Variants in ADGB observed in about 807,000 individuals in gnomAD.
ADGB encodes the protein androglobin, also known as calpain-7-like protein.
Under a neutral mutation model 210.5 loss-of-function variants are expected in ADGB, and 172 were observed. The observed-to-expected ratio is 0.82, with a 90% CI of 0.72 to 0.93. ADGB has a LOEUF of 0.93. Ranked by LOEUF, ADGB falls within the 40% of genes least tolerant of loss-of-function variation. The pLI, the probability that ADGB is intolerant of heterozygous loss-of-function variation, is 0.00. For missense variants in ADGB, 2,025 were observed against 1,964.8 expected, an observed-to-expected ratio of 1.03 and a Z score of -0.58; for synonymous variants, 658 against 662.7, an observed-to-expected ratio of 0.99 and a Z score of 0.11.
intron 1 of ADGB, among the ~76,000 whole-genome samples, chr6:146,615,547 CTG>C (rs1267304231): frequency 6.6e-6 from 1 of 152,186 alleles, no homozygotes; most frequent in African/African-American, 2.4e-5. Context: ...TTCTATCTAA[CTG>C]TGTTTTTGTA....
intron 35 of ADGB, chr6:146,807,816 A>C (rs1296549905): frequency 3.0e-6 from 1 of 329,242 alleles, no homozygotes. Context: ...TTAAAATGTA[A>C]TAAAATATAT....
intron 1 of ADGB, among the ~76,000 whole-genome samples, chr6:146,612,961 C>T (rs547343658): frequency 2.6e-5 from 4 of 152,298 alleles, no homozygotes; most frequent in African/African-American, 9.6e-5. Context: ...TACTTCCATC[C>T]ATATCTATGA....
rs1776349362 is a variant in ADGB at position 146,692,824 on chromosome 6, G to A, written c.1487-1G>A. ...CATACTTTCTAACTGCTACTTTTTA[G>A]AGTTAATAGTAAAGAAGCCTGAACG... On this transcript the variant is annotated splice_acceptor_variant, in intron 11 of 35. Transcript: ENST00000397944. LOFTEE classifies it high-confidence loss of function. The A allele has an allele frequency of 1.5e-5, 23 of 1,491,398 alleles. No individual in the cohort carries two copies. The highest frequency in any genetic ancestry group is 2.1e-5 in the Non-Finnish European group (23 of 1,107,220). The allele number at this position is 1,491,398 out of a possible 1,614,324, so 92.4% of individuals were successfully genotyped here.
chr6:146,765,704 A>T (rs1777563048), intron 28 of ADGB, among the ~76,000 whole-genome samples: 1 of 151,710 alleles, frequency 6.6e-6, no homozygotes, highest in South Asian at 2.1e-4. Flanking sequence ...AACAACATCT[A>T]AAATAGCATT....
intron 1 of ADGB, among the ~76,000 whole-genome samples, chr6:146,605,547 G>T (rs866180751): frequency 6.6e-6 from 1 of 152,014 alleles, no homozygotes. Context: ...TTTCATAAAT[G>T]CATGTGTAAT....
In ADGB at chr6:146,812,908, C is replaced by CA. The variant is rs569166632; in HGVS notation, c.4819-2123dup. ...TGCTTTGACACAAGGTTGTGAAGAA[C>CA]AGCTATTCATTTGGGAAAAGAATGG... On this transcript the variant is annotated intron_variant, in intron 35 of 35. Coordinates refer to ENST00000397944, the MANE Select transcript of ADGB (RefSeq NM_024694.4). Among the ~76,000 whole-genome samples, 331 of 152,170 alleles carry CA rather than the reference C, an allele frequency of 2.2e-3. 1 individual carries two copies. The highest frequency in any genetic ancestry group is 7.4e-3 in the African/African-American group (308 of 41,552).
In ADGB at chr6:146,620,360, T is replaced by C. The variant is rs557810642; in HGVS notation, c.75-15015T>C. On this transcript the variant is annotated intron_variant, in intron 1 of 35. Transcript: ENST00000397944. ...TTTTCAGCCATTATTTCTTTAGATA[T>C]GCTTTCTAGGCATTTTTCTTTCTTG... Among the ~76,000 whole-genome samples the C allele has an allele frequency of 5.8e-4, 89 of 152,284 alleles. 2 individuals are homozygous for C. The South Asian group carries it at 0.015, about 25-fold the overall frequency.
intron 5 of ADGB, among the ~76,000 whole-genome samples, chr6:146,659,826 A>G (rs572606307): frequency 6.6e-6 from 1 of 152,256 alleles, no homozygotes; most frequent in South Asian, 2.1e-4. Context: ...CCCCCGAAAG[A>G]AGCAGGTTAG....
chr6:146,615,421 T>G (rs1562255607), intron 1 of ADGB, among the ~76,000 whole-genome samples: 1 of 152,196 alleles, frequency 6.6e-6, no homozygotes, highest in Non-Finnish European at 1.5e-5. Context: ...AAACATTTAT[T>G]GTATCTTTGT....
chr6:146,716,599 C>CAAAAA (rs10606792), intron 14 of ADGB, among the ~76,000 whole-genome samples: 2 of 66,812 alleles, frequency 3.0e-5, no homozygotes, highest in Non-Finnish European at 2.3e-5. Context: ...GACTCCGTCT[C>CAAAAA]AAAAAAAAAA....
At chr6:146,670,493 T>C (rs1044966341) in intron 7 of ADGB, among the ~76,000 whole-genome samples, 1 of 152,194 alleles carries the variant, frequency 6.6e-6, no homozygotes, top group Non-Finnish European at 1.5e-5. Context: ...ATCAGATTAT[T>C]CACCTAGCTG....
At position 146,677,865 on chromosome 6, in the gene ADGB, C is replaced by A. The variant is rs1020200493; in HGVS notation, c.1216+1424C>A. Among the ~76,000 whole-genome samples the A allele has an allele frequency of 5.9e-5, 9 of 152,256 alleles. No homozygotes were observed. The East Asian group carries it at 1.4e-3, about 23-fold the overall frequency. ...CAGCATTATTGTTTTGGTGAGGGTC[C>A]TTGTGAGAATCAAGTGTTGAATCCA... On this transcript the variant is annotated intron_variant, in intron 9 of 35. Coordinates refer to ENST00000397944, the MANE Select transcript of ADGB (RefSeq NM_024694.4).
chr6:146,668,624 A>T (rs923573248), intron 7 of ADGB, among the ~76,000 whole-genome samples: 1 of 152,084 alleles, frequency 6.6e-6, no homozygotes, highest in Non-Finnish European at 1.5e-5. Context: ...ATAAATTTTT[A>T]TACTTAGTGT....
In ADGB at chr6:146,713,882, C is replaced by G. The variant is rs1207994100; in HGVS notation, c.1708-1500C>G. ...TTCTTCTAGGAGTTTTGTAGTTTGT[C>G]TCTGTCTGTATCCGCTTCAGTGCCT... On this transcript the variant is annotated intron_variant, in intron 13 of 35. Transcript: ENST00000397944. Among the ~76,000 whole-genome samples the G allele has an allele frequency of 3.9e-5, 6 of 152,020 alleles. No individual in the cohort carries two copies. In the East Asian group the frequency reaches 1.2e-3, roughly 29 times the overall value.
At chr6:146,739,380 T>C (rs1262402623) in intron 23 of ADGB, among the ~76,000 whole-genome samples, 1 of 152,140 alleles carries the variant, frequency 6.6e-6, no homozygotes, top group Non-Finnish European at 1.5e-5. Context: ...CTGTAATAAT[T>C]AGGACTGTAA....
At chr6:146,804,821 T>C (rs925238878) in intron 35 of ADGB, among the ~76,000 whole-genome samples, 1 of 152,328 alleles carries the variant, frequency 6.6e-6, no homozygotes, top group South Asian at 2.1e-4. Context: ...AATATCACAG[T>C]GGCCTAACAT....
chr6:146,808,171 T>C (rs2114672894), intron 35 of ADGB, among the ~76,000 whole-genome samples: 1 of 152,216 alleles, frequency 6.6e-6, no homozygotes, highest in East Asian at 1.9e-4. Context: ...TGCTAACTTT[T>C]GTATTTTTAG....
Position 146,801,063 on chromosome 6 carries a change from C to T in ADGB, c.4538-120C>T, listed in dbSNP as rs9485124. 7.0e-3 allele frequency: 2,997 copies of T among 430,962 alleles called. 65 individuals carry two copies. The highest frequency in any genetic ancestry group is 0.055 in the African/African-American group (2,653 of 48,656). The allele number at this position is 430,962 out of a possible 1,614,324, so 26.7% of individuals were successfully genotyped here. On this transcript the variant is annotated intron_variant, in intron 33 of 35. Transcript: ENST00000397944. The stretch of plus-strand genomic sequence containing the variant: ...AACATTATGTTAAATAAGACAAGTC[C>T]GGTGAATGAAAATATTTTCTGTTGA...
In ADGB at chr6:146,666,232, G is replaced by GA. The variant is rs1184981085; in HGVS notation, c.753-577dup. On this transcript the variant is annotated intron_variant, in intron 6 of 35. Transcript: ENST00000397944. ...ATGTAAATAGACTAATAACTTCAGGGAAAAAAATAAGAGGTCTAAATGAGA... is the reference window on the plus strand; with the variant it reads ...ATGTAAATAGACTAATAACTTCAGGGAAAAAAAATAAGAGGTCTAAATGAGA... Among the ~76,000 whole-genome samples the GA allele has an allele frequency of 3.3e-5, 5 of 151,952 alleles. No homozygotes were observed. In the East Asian group the frequency reaches 5.8e-4, roughly 18 times the overall value.
Sources: allele counts gnomAD v4.1 joint callset (sites outside exome capture counted in the v4.1 genomes callset), GRCh38; gene constraint gnomAD v4.1.1; transcripts MANE v1.5; gene names NCBI Gene and HGNC (gene_info 2026-07-23, HGNC 2026-07-21).